CSMD3: variants seen among roughly 807,000 people sequenced by gnomAD.
CSMD3 encodes CUB and sushi domain-containing protein 3.
Under a neutral mutation model 435.2 loss-of-function variants are expected in CSMD3, and 177 were observed. The observed-to-expected ratio is 0.41, with a 90% confidence interval of 0.36 to 0.46. The LOEUF (loss-of-function observed/expected upper bound fraction) is 0.46, where lower values mean the gene tolerates loss of function less well. Among genes scored for constraint, CSMD3 ranks in the 20% least tolerant of loss-of-function variants. CSMD3 has a pLI of 0.34. For missense variants in CSMD3, 4,265 were observed against 4,504.6 expected, an observed-to-expected ratio of 0.95 and a Z score of 1.52; for synonymous variants, 1,656 against 1,520.5, an observed-to-expected ratio of 1.09 and a Z score of -2.07.
chr8:112,561,008 G>A (rs1828570561), intron 24 of CSMD3, among the ~76,000 whole-genome samples: 1 of 151,534 alleles, frequency 6.6e-6, no homozygotes. Context: ...TGGTGATGAG[G>A]TAAAATGGAT....
chr8:112,573,607 A>C lies in CSMD3; in HGVS notation c.3936T>G (p.Gly1312=). Residue 1312 remains glycine (G), a synonymous_variant, in exon 24 of 71, where the codon GGT becomes GGG. Coordinates refer to ENST00000297405, the MANE Select transcript of CSMD3 (RefSeq NM_198123.2). ...TAAGTGTCAGTCCGCGCATAGATGC[A>C]CCAGTAAAAGCACCTAGTAGATGAG... The part of the protein sequence containing the change: ...KTTHLLGAFT[G]ASMRGLTLSS... 6.2e-7 allele frequency: 1 copy of C among 1,613,152 alleles called. No individual in the cohort carries two copies. The highest frequency in any genetic ancestry group is 8.5e-7 in the Non-Finnish European group (1 of 1,179,242).
At chr8:113,344,007 C>T (rs139507795) in intron 1 of CSMD3, among the ~76,000 whole-genome samples, 4 of 152,200 alleles carry the variant, frequency 2.6e-5, no homozygotes, top group African/African-American at 9.6e-5. Context: ...CAAATTATCA[C>T]ATCCTTCATA....
chr8:112,736,427 A>ATGCAGCTGC (rs992366707), intron 13 of CSMD3, among the ~76,000 whole-genome samples: 2 of 152,034 alleles, frequency 1.3e-5, no homozygotes, highest in Non-Finnish European at 2.9e-5. Context: ...TTCTGGTTGC[A>ATGCAGCTGC]TGCAGCTGCT....
At chr8:112,693,723 C>T (rs1341200357) in intron 13 of CSMD3, among the ~76,000 whole-genome samples, 1 of 151,566 alleles carries the variant, frequency 6.6e-6, no homozygotes, top group Admixed American at 6.6e-5. Context: ...CCATTATTTC[C>T]TTTAAAATGT....
At chr8:112,387,827 A>G (rs1830105116) in intron 36 of CSMD3, among the ~76,000 whole-genome samples, 1 of 152,160 alleles carries the variant, frequency 6.6e-6, no homozygotes, top group Non-Finnish European at 1.5e-5. Flanking sequence ...TGCTAACTCT[A>G]AAATAGTCAA....
chr8:112,591,439 C>CTA (rs1257644168), intron 22 of CSMD3, among the ~76,000 whole-genome samples: 2 of 152,010 alleles, frequency 1.3e-5, no homozygotes, highest in Non-Finnish European at 2.9e-5. Flanking sequence ...CTGGTAGCAT[C>CTA]TATTGTACAC....
intron 3 of CSMD3, among the ~76,000 whole-genome samples, chr8:113,178,967 T>C (rs963950969): frequency 8.7e-4 from 132 of 151,952 alleles, no homozygotes; most frequent in African/African-American, 3.0e-3. Context: ...TTTAAAAGAG[T>C]AATTGAGAGT....
At chr8:112,330,961 T>C (rs1053983436) in intron 45 of CSMD3, among the ~76,000 whole-genome samples, 4 of 152,040 alleles carry the variant, frequency 2.6e-5, no homozygotes, top group African/African-American at 9.6e-5. Context: ...GCCCTTCTAC[T>C]TATTAGTTCT....
At chr8:112,461,877 T>C (rs1257663368) in intron 32 of CSMD3, among the ~76,000 whole-genome samples, 4 of 152,210 alleles carry the variant, frequency 2.6e-5, no homozygotes, top group Non-Finnish European at 4.4e-5. Flanking sequence ...CATGTACTTC[T>C]GTAAGCAGAT....
intron 9 of CSMD3, among the ~76,000 whole-genome samples, chr8:112,934,950 T>C (rs938456145): frequency 1.3e-5 from 2 of 152,142 alleles, no homozygotes; most frequent in Non-Finnish European, 2.9e-5. Context: ...TTGCCTGTGC[T>C]TTTGGGGTCA....
intron 5 of CSMD3, among the ~76,000 whole-genome samples, chr8:113,026,953 G>T (rs1038167260): frequency 1.3e-5 from 2 of 152,104 alleles, no homozygotes; most frequent in Non-Finnish European, 2.9e-5. Context: ...GAAAAGATCT[G>T]CATGGTATAT....
chr8:113,345,581 C>A (rs190333252), intron 1 of CSMD3, among the ~76,000 whole-genome samples: 2 of 152,038 alleles, frequency 1.3e-5, no homozygotes, highest in Non-Finnish European at 2.9e-5. Context: ...TTAGATCAAC[C>A]CATGTTTTAG....
intron 6 of CSMD3, among the ~76,000 whole-genome samples, chr8:112,990,688 G>A (rs1364138566): frequency 2.6e-5 from 4 of 151,782 alleles, no homozygotes; most frequent in African/African-American, 9.7e-5. Flanking sequence ...TATGGGTAAA[G>A]GATAAATTGC....
chr8:112,329,518 G>C (rs1586785317), intron 45 of CSMD3, among the ~76,000 whole-genome samples: 1 of 151,858 alleles, frequency 6.6e-6, no homozygotes, highest in Non-Finnish European at 1.5e-5. Context: ...ATGTTTCCTT[G>C]AACCCTTCTC....
intron 11 of CSMD3, 80 bp downstream of exon 11, chr8:112,859,065 C>G (rs2129852670): frequency 1.5e-6 from 2 of 1,340,112 alleles, no homozygotes; most frequent in South Asian, 2.4e-5. Flanking sequence ...ATTTTCCATA[C>G]TGCATGTTCC....
chr8:113,157,940 T>C (rs1457992319), intron 4 of CSMD3, among the ~76,000 whole-genome samples: 1 of 152,142 alleles, frequency 6.6e-6, no homozygotes, highest in Non-Finnish European at 1.5e-5. Flanking sequence ...AGTGAGGTTC[T>C]TGGGAAAACG....
At chr8:112,888,220 T>C (rs2081667773) in intron 10 of CSMD3, among the ~76,000 whole-genome samples, 1 of 151,628 alleles carries the variant, frequency 6.6e-6, no homozygotes, top group East Asian at 2.0e-4. Flanking sequence ...AACAGAGATG[T>C]TTGCTATCCT....
intron 30 of CSMD3, among the ~76,000 whole-genome samples, chr8:112,495,857 G>C (rs1031513703): frequency 6.6e-6 from 1 of 151,454 alleles, no homozygotes; most frequent in Non-Finnish European, 1.5e-5. Context: ...ATTTTAGATC[G>C]CTGCATCTAA....
intron 1 of CSMD3, among the ~76,000 whole-genome samples, chr8:113,422,913 G>A (rs182679266): frequency 4.5e-4 from 69 of 152,044 alleles, no homozygotes; most frequent in Non-Finnish European, 6.3e-4. Flanking sequence ...GGAATGAGAA[G>A]TGTTTTAGAT....
Sources: allele counts gnomAD v4.1 joint callset (sites outside exome capture counted in the v4.1 genomes callset), GRCh38; gene constraint gnomAD v4.1.1; transcripts MANE v1.5; gene names NCBI Gene and HGNC (gene_info 2026-07-23, HGNC 2026-07-21).